TIAM1: variants seen among roughly 807,000 people sequenced by gnomAD.
TIAM1 encodes the protein rho guanine nucleotide exchange factor TIAM1.
A neutral mutation model predicts 163.5 loss-of-function variants in TIAM1; 65 were observed. That is an observed-to-expected ratio of 0.40 (90% CI 0.33 to 0.49). The LOEUF (loss-of-function observed/expected upper bound fraction) is 0.49. TIAM1 is among the 20% of genes least tolerant of loss of function. The pLI, the probability that TIAM1 is intolerant of heterozygous loss-of-function variation, is 0.77. For synonymous variants in TIAM1, 833 were observed against 810.1 expected (o/e 1.03, Z -0.48); for missense variants, 1,789 against 2,044.7 (o/e 0.87, Z 2.41).
At chr21:31,452,518 C>G (rs1217781174) in intron 2 of TIAM1, 6 of 573,930 alleles carry the variant, frequency 1.0e-5, no homozygotes, top group Non-Finnish European at 1.6e-5. Flanking sequence ...AAGCCAGATA[C>G]CTGGATTGGA....
chr21:31,342,260 C>A (rs1247304042), intron 1 of TIAM1, among the ~76,000 whole-genome samples: 1 of 151,770 alleles, frequency 6.6e-6, no homozygotes, highest in Non-Finnish European at 1.5e-5. Flanking sequence ...GCCTGGGCAA[C>A]AGAGCAAGAC....
chr21:31,124,909 C>G (rs1056742100), intron 26 of TIAM1, among the ~76,000 whole-genome samples: 7 of 152,040 alleles, frequency 4.6e-5, no homozygotes, highest in Admixed American at 1.3e-4. Flanking sequence ...TCTCCTGGCG[C>G]TGATGTGGGG....
Position 31,359,837 on chromosome 21 carries a change from GAA to G in TIAM1, c.-368-20417_-368-20416del, listed in dbSNP as rs1415955590. 5.1e-3 allele frequency among the ~76,000 whole-genome samples: 684 copies of G among 134,060 alleles called. 17 individuals carry two copies. Among genetic ancestry groups the G allele is most frequent in the African/African-American group, 0.019 (649 of 34,060 alleles). 87.9% of individuals were successfully genotyped at this position (134,060 alleles called of 152,430 possible). A position where few individuals can be genotyped will look rare whatever the true frequency, so the allele number is the denominator to read the frequency against. On this transcript the variant is annotated intron_variant, in intron 2 of 28. Coordinates refer to the TIAM1 transcript ENST00000286827. ...GGAAGGAAGGAAGGAAGGAAGGAAG[GAA>G]GGAAGGAAGGAAGGAAGGAAGGAAG...
intron 2 of TIAM1, among the ~76,000 whole-genome samples, chr21:31,389,078 A>G (rs2076926867): frequency 1.3e-5 from 2 of 152,306 alleles, no homozygotes; most frequent in South Asian, 4.1e-4. Flanking sequence ...GGTAATACAT[A>G]CGTGAATGGG....
At chr21:31,503,699 T>G (rs1045772097) in intron 1 of TIAM1, among the ~76,000 whole-genome samples, 10 of 148,878 alleles carry the variant, frequency 6.7e-5, no homozygotes, top group African/African-American at 2.5e-4. Flanking sequence ...GCACTGTGCA[T>G]CCTGCATGAA....
chr21:31,503,890 C>T (rs2046945191), intron 1 of TIAM1, among the ~76,000 whole-genome samples: 1 of 151,880 alleles, frequency 6.6e-6, no homozygotes. Flanking sequence ...ACTATGACCC[C>T]TTCCACGTCC....
At chr21:31,430,790 T>A (rs1337910116) in intron 2 of TIAM1, among the ~76,000 whole-genome samples, 2 of 152,188 alleles carry the variant, frequency 1.3e-5, no homozygotes, top group Non-Finnish European at 2.9e-5. Flanking sequence ...ACTCTCACCT[T>A]AGATTTTGAG....
chr21:31,234,228 G>C (rs1242798082), intron 6 of TIAM1, among the ~76,000 whole-genome samples: 1 of 151,756 alleles, frequency 6.6e-6, no homozygotes, highest in African/African-American at 2.4e-5. Flanking sequence ...ACAACCCTTG[G>C]AGATGCAAGG....
At chr21:31,300,755 T>G (rs1188268949) in intron 2 of TIAM1, among the ~76,000 whole-genome samples, 1 of 152,226 alleles carries the variant, frequency 6.6e-6, no homozygotes, top group Admixed American at 6.5e-5. Context: ...TGTAAGGATC[T>G]TGGAAAGAAC....
intron 2 of TIAM1, among the ~76,000 whole-genome samples, chr21:31,388,775 G>C (rs1242733222): frequency 6.6e-6 from 1 of 152,180 alleles, no homozygotes. Flanking sequence ...GATAATAATT[G>C]AATCTACATC....
intron 2 of TIAM1, among the ~76,000 whole-genome samples, chr21:31,338,603 G>C (rs1441744936): frequency 6.6e-6 from 1 of 152,170 alleles, no homozygotes; most frequent in African/African-American, 2.4e-5. Context: ...CCTTTCTGCT[G>C]GAATTCCCTA....
chr21:31,543,707 G>A (rs1340002732), intron 1 of TIAM1, among the ~76,000 whole-genome samples: 2 of 152,150 alleles, frequency 1.3e-5, no homozygotes, highest in East Asian at 1.9e-4. Context: ...ATATATCCCC[G>A]AGGAGAAGTA....
At chr21:31,388,489 G>GAAATAAAATA (rs112227562) in intron 2 of TIAM1, among the ~76,000 whole-genome samples, 36 of 150,336 alleles carry the variant, frequency 2.4e-4, no homozygotes, top group South Asian at 8.6e-4. Context: ...AAAAATAAAT[G>GAAATAAAATA]AAATAAAATA....
At chr21:31,158,644 C>T (rs962134597) in intron 16 of TIAM1, among the ~76,000 whole-genome samples, 3 of 152,158 alleles carry the variant, frequency 2.0e-5, no homozygotes, top group Non-Finnish European at 4.4e-5. Flanking sequence ...AGGATGTCAT[C>T]AAGTTTGAAA....
intron 14 of TIAM1, 108 bp from the exon 15 acceptor site, chr21:31,182,753 G>A (rs2085094339): frequency 4.4e-6 from 5 of 1,146,552 alleles, no homozygotes; most frequent in South Asian, 3.4e-5. Context: ...CACAGCCCCA[G>A]GTGCTGCTGC....
At chr21:31,389,669 C>CAA (rs2076936694) in intron 2 of TIAM1, among the ~76,000 whole-genome samples, 1 of 152,242 alleles carries the variant, frequency 6.6e-6, no homozygotes, top group South Asian at 2.1e-4. Flanking sequence ...GCTAGACAAT[C>CAA]AAAGTCCCAT....
At chr21:31,150,262 G>C (rs536546627) in intron 19 of TIAM1, among the ~76,000 whole-genome samples, 1 of 152,262 alleles carries the variant, frequency 6.6e-6, no homozygotes, top group South Asian at 2.1e-4. Context: ...CTGTTGCAGA[G>C]AGGCAATGTA....
At chr21:31,242,384 G>A (rs1377069626) in intron 6 of TIAM1, among the ~76,000 whole-genome samples, 1 of 152,064 alleles carries the variant, frequency 6.6e-6, no homozygotes, top group Non-Finnish European at 1.5e-5. Context: ...TTAGCTGGCT[G>A]TGGTGGTGCA....
At chr21:31,158,842 A>G (rs2083755919) in intron 16 of TIAM1, among the ~76,000 whole-genome samples, 1 of 152,120 alleles carries the variant, frequency 6.6e-6, no homozygotes, top group East Asian at 1.9e-4. Flanking sequence ...TTCTCCACGC[A>G]GCTTAGCCAT....
Sources: allele counts gnomAD v4.1 joint callset (sites outside exome capture counted in the v4.1 genomes callset), GRCh38; gene constraint gnomAD v4.1.1; transcripts MANE v1.5; gene names NCBI Gene and HGNC (gene_info 2026-07-23, HGNC 2026-07-21).